The following NCKAP5 variants were observed in gnomAD, a reference collection of about 807,000 sequenced individuals.
NCKAP5 encodes the protein nck-associated protein 5.
In NCKAP5, 92 loss-of-function variants were observed where a neutral mutation model predicts 167.0. That is an observed-to-expected ratio of 0.55 (90% CI 0.47 to 0.66). NCKAP5 has a LOEUF of 0.66. NCKAP5 is among the 30% of genes least tolerant of loss of function. The probability of loss-of-function intolerance (pLI) is 0.00; values close to 1 mark genes in which losing one functional copy is unlikely to be tolerated. For missense variants in NCKAP5, 2,378 were observed against 2,315.0 expected, an observed-to-expected ratio of 1.03 and a Z score of -0.56; for synonymous variants, 891 against 877.4, an observed-to-expected ratio of 1.02 and a Z score of -0.27.
Position 132,785,533 on chromosome 2 carries a change from A to T in NCKAP5, c.1278T>A (p.Tyr426Ter), listed in dbSNP as rs1187225305. Residue 426 changes from tyrosine to a stop codon, truncating the protein, a stop_gained, in exon 14 of 20, where the codon TAT becomes TAA. Coordinates refer to ENST00000409261, the MANE Select transcript of NCKAP5 (RefSeq NM_207363.3). LOFTEE classifies it high-confidence loss of function. Reference protein sequence around the residue: ...EPPSVITKWGYKDCMNSNEGI... With the variant: ...EPPSVITKWG ...CTTCATTCGAGTTCATGCAATCTTT[A>T]TAACCCCATTTGGTTATCACTGATG... 1 of 1,608,892 alleles carries T rather than the reference A, an allele frequency of 6.2e-7. No homozygotes were observed.
intron 5 of NCKAP5, among the ~76,000 whole-genome samples, chr2:133,142,693 T>G (rs1218216726): frequency 6.6e-6 from 1 of 152,142 alleles, no homozygotes; most frequent in Non-Finnish European, 1.5e-5. Context: ...TTTGCAGACC[T>G]GGAAGGGTGC....
intron 4 of NCKAP5, among the ~76,000 whole-genome samples, chr2:133,256,603 G>T (rs1332389623): frequency 1.3e-5 from 2 of 152,096 alleles, no homozygotes; most frequent in Non-Finnish European, 2.9e-5. Context: ...ATAGATAAAT[G>T]TAAAATATCT....
chr2:133,647,745 G>GAAGGAAGGAAGGAAGGAAGGAAGC, the NCKAP5 span, among the ~76,000 whole-genome samples: 1 of 142,616 alleles, frequency 7.0e-6, no homozygotes, highest in Admixed American at 7.1e-5. Flanking sequence ...AGGAAGGAAG[G>GAAGGAAGGAAGGAAGGAAGGAAGC]AAGGAAAGAA....
intron 3 of NCKAP5, among the ~76,000 whole-genome samples, chr2:133,470,264 C>T (rs1575014333): frequency 1.3e-5 from 2 of 151,800 alleles, no homozygotes; most frequent in East Asian, 3.9e-4. Flanking sequence ...GTTGGAATAC[C>T]CTGCCGTGTG....
chr2:132,850,475 T>A (rs1688991732), intron 11 of NCKAP5, among the ~76,000 whole-genome samples: 1 of 152,010 alleles, frequency 6.6e-6, no homozygotes, highest in South Asian at 2.1e-4. Context: ...CCGCAGCCTC[T>A]AGGGGCTCAT....
At chr2:133,341,192 G>A (rs965235129) in intron 3 of NCKAP5, among the ~76,000 whole-genome samples, 29 of 151,818 alleles carry the variant, frequency 1.9e-4, no homozygotes, top group African/African-American at 7.0e-4. Flanking sequence ...TATATATACA[G>A]CTATAAATAT....
At chr2:133,536,494 A>G (rs1284684560) in intron 2 of NCKAP5, among the ~76,000 whole-genome samples, 3 of 151,934 alleles carry the variant, frequency 2.0e-5, no homozygotes, top group African/African-American at 4.8e-5. Flanking sequence ...CCATTAATCT[A>G]TGTGTCTGTT....
chr2:133,411,862 A>G (rs1208500184), intron 3 of NCKAP5, among the ~76,000 whole-genome samples: 1 of 152,150 alleles, frequency 6.6e-6, no homozygotes, highest in African/African-American at 2.4e-5. Flanking sequence ...TCTCCTTCCC[A>G]TGATCCCTCC....
chr2:132,976,802 T>A (rs2076990400), intron 7 of NCKAP5, among the ~76,000 whole-genome samples: 1 of 151,704 alleles, frequency 6.6e-6, no homozygotes, highest in Admixed American at 6.6e-5. Flanking sequence ...TAAAACAAAA[T>A]AAAAAAAATT....
chr2:133,581,193 A>T, the NCKAP5 span, among the ~76,000 whole-genome samples: 1 of 152,218 alleles, frequency 6.6e-6, no homozygotes, highest in Non-Finnish European at 1.5e-5. Flanking sequence ...GTTTAAAAAA[A>T]ATCTTAAAAG....
intron 6 of NCKAP5, among the ~76,000 whole-genome samples, chr2:133,111,109 G>T (rs2149715477): frequency 6.6e-6 from 1 of 152,196 alleles, no homozygotes; most frequent in African/African-American, 2.4e-5. Flanking sequence ...CACATCAGGG[G>T]TTAGGGGTCG....
In NCKAP5 at chr2:133,430,253, C is replaced by A. The variant is rs183350881; in HGVS notation, c.69+87205G>T. ...TTTTCTTGTTGACTCATTTAAGTTT[C>A]TTGTAGATTCTGAATATTAGTCCTT... On this transcript the variant is annotated intron_variant, in intron 3 of 19. Transcript: ENST00000409261. 1.9e-4 allele frequency among the ~76,000 whole-genome samples: 29 copies of A among 152,122 alleles called. 1 individual carries two copies. In the East Asian group the frequency reaches 5.4e-3, roughly 28 times the overall value.
At chr2:132,789,346 C>T (rs913044671) in intron 13 of NCKAP5, among the ~76,000 whole-genome samples, 2 of 152,198 alleles carry the variant, frequency 1.3e-5, no homozygotes, top group Admixed American at 1.3e-4. Context: ...GATAATGCAG[C>T]AGGCTCTGTA....
At chr2:133,148,684 G>T (rs898073208) in intron 5 of NCKAP5, among the ~76,000 whole-genome samples, 2 of 152,056 alleles carry the variant, frequency 1.3e-5, no homozygotes, top group Admixed American at 6.6e-5. Context: ...TCTCTTCCTG[G>T]TTTACAGATG....
chr2:133,173,344 T>C (rs573256438), intron 5 of NCKAP5, among the ~76,000 whole-genome samples: 153 of 152,248 alleles, frequency 1.0e-3, no homozygotes, highest in African/African-American at 3.1e-3. Flanking sequence ...ACAAAAAGTC[T>C]CTCCTTGACT....
intron 11 of NCKAP5, 125 bp from the exon 12 acceptor site, chr2:132,796,854 A>T (rs559634336): frequency 2.8e-5 from 18 of 653,798 alleles, no homozygotes; most frequent in South Asian, 6.1e-5. Flanking sequence ...TGTCCTAATT[A>T]AAAAAAGTTT....
chr2:132,853,077 A>C (rs1440939132), intron 11 of NCKAP5, among the ~76,000 whole-genome samples: 1 of 152,256 alleles, frequency 6.6e-6, no homozygotes, highest in Non-Finnish European at 1.5e-5. Flanking sequence ...ATTGTGCAGC[A>C]TAGTGCCCAG....
chr2:133,269,231 A>T (rs1275108962), intron 4 of NCKAP5, among the ~76,000 whole-genome samples: 1 of 152,252 alleles, frequency 6.6e-6, no homozygotes, highest in East Asian at 1.9e-4. Flanking sequence ...TATGAAGGAA[A>T]AATCAAACAA....
chr2:133,456,569 TA>T (rs2151216235), intron 3 of NCKAP5, among the ~76,000 whole-genome samples: 1 of 152,292 alleles, frequency 6.6e-6, no homozygotes, highest in African/African-American at 2.4e-5. Flanking sequence ...GGGAGAAAGA[TA>T]AATCCTTTTT....
Sources: gnomAD v4.1 joint callset for allele counts (sites outside exome capture counted in the v4.1 genomes callset) on GRCh38, gnomAD v4.1.1 for gene constraint, MANE v1.5 for transcripts, NCBI Gene and HGNC (gene_info 2026-07-23, HGNC 2026-07-21) for gene names.